The following PTPN4 variants were observed in gnomAD, a reference collection of about 807,000 sequenced individuals.
PTPN4 encodes the protein tyrosine-protein phosphatase non-receptor type 4.
A neutral mutation model predicts 135.5 loss-of-function variants in PTPN4; 49 were observed. That is an observed-to-expected ratio of 0.36 (90% CI 0.29 to 0.46). The LOEUF (loss-of-function observed/expected upper bound fraction) is 0.46, where lower values mean the gene tolerates loss of function less well. Among genes scored for constraint, PTPN4 ranks in the 20% least tolerant of loss-of-function variants. The pLI is 1.00. For synonymous variants in PTPN4, 333 were observed against 369.9 expected, an observed-to-expected ratio of 0.90 and a Z score of 1.14; for missense variants, 860 against 1,101.0, an observed-to-expected ratio of 0.78 and a Z score of 3.10.
At chr2:119,922,832 A>G (rs931098802) in intron 12 of PTPN4, among the ~76,000 whole-genome samples, 1 of 152,210 alleles carries the variant, frequency 6.6e-6, no homozygotes, top group Admixed American at 6.5e-5. Flanking sequence ...TGAACATTCA[A>G]ATTCTTTAAT....
intron 2 of PTPN4, among the ~76,000 whole-genome samples, chr2:119,835,998 G>A (rs1574360131): frequency 6.6e-6 from 1 of 151,898 alleles, no homozygotes; most frequent in East Asian, 1.9e-4. Flanking sequence ...GAATCCGGGA[G>A]GCGGAGGTTG....
chr2:119,846,385 A>G (rs1007893129), intron 2 of PTPN4, among the ~76,000 whole-genome samples: 3 of 152,136 alleles, frequency 2.0e-5, no homozygotes, highest in Non-Finnish European at 4.4e-5. Context: ...GCGTTATAAA[A>G]TTTCCCTCTT....
At chr2:119,822,295 T>G (rs962249766) in intron 2 of PTPN4, among the ~76,000 whole-genome samples, 1 of 152,054 alleles carries the variant, frequency 6.6e-6, no homozygotes, top group African/African-American at 2.4e-5. Context: ...AGGTATTTGG[T>G]GTTTAGCTCT....
At chr2:119,917,201 A>G (rs559857943) in intron 11 of PTPN4, among the ~76,000 whole-genome samples, 2 of 152,342 alleles carry the variant, frequency 1.3e-5, no homozygotes, top group South Asian at 4.1e-4. Flanking sequence ...TCATTTTCAT[A>G]TCACTGAATC....
intron 22 of PTPN4, among the ~76,000 whole-genome samples, chr2:119,958,200 G>T (rs942383923): frequency 3.3e-5 from 5 of 151,830 alleles, no homozygotes; most frequent in Non-Finnish European, 7.4e-5. Flanking sequence ...TAGCAGTCAT[G>T]GTGGTGCATG....
intron 2 of PTPN4, among the ~76,000 whole-genome samples, chr2:119,829,948 GCCTATTTATA>G (rs1259641897): frequency 6.6e-6 from 1 of 151,842 alleles, no homozygotes; most frequent in Non-Finnish European, 1.5e-5. Flanking sequence ...GTACCAGGGT[GCCTATTTATA>G]CATATCATTA....
intron 2 of PTPN4, among the ~76,000 whole-genome samples, chr2:119,860,330 A>G (rs1677743693): frequency 6.6e-6 from 1 of 152,192 alleles, no homozygotes; most frequent in Non-Finnish European, 1.5e-5. Context: ...ATTTGACCCA[A>G]TTCTGGCCAA....
intron 11 of PTPN4, chr2:119,916,027 CA>C (rs548228839): frequency 8.6e-5 from 12 of 139,256 alleles, no homozygotes; most frequent in East Asian, 2.1e-4. Context: ...ACTGTCTCTA[CA>C]AAAAAAAAAT....
At chr2:119,970,277 C>T (rs1364024704) in intron 26 of PTPN4, among the ~76,000 whole-genome samples, 4 of 151,814 alleles carry the variant, frequency 2.6e-5, no homozygotes, top group South Asian at 4.2e-4. Flanking sequence ...CTAGGCTGGT[C>T]TTGAACTCCT....
chr2:119,913,623 G>A (rs1225608436), intron 10 of PTPN4, among the ~76,000 whole-genome samples: 1 of 152,080 alleles, frequency 6.6e-6, no homozygotes, highest in Non-Finnish European at 1.5e-5. Context: ...AACCATGTCT[G>A]TAATAGGATA....
chr2:119,933,562 G>C (rs375904176), intron 14 of PTPN4, among the ~76,000 whole-genome samples: 2 of 151,522 alleles, frequency 1.3e-5, no homozygotes, highest in Non-Finnish European at 2.9e-5. Context: ...CACCTGTCAG[G>C]GGGGTGGGGC....
chr2:119,822,042 C>T (rs1277421916), intron 2 of PTPN4, among the ~76,000 whole-genome samples: 1 of 151,848 alleles, frequency 6.6e-6, no homozygotes, highest in African/African-American at 2.4e-5. Context: ...TGCAATATGA[C>T]ACTCTTTTGC....
intron 1 of PTPN4, among the ~76,000 whole-genome samples, chr2:119,765,574 T>A (rs553064083): frequency 6.6e-6 from 1 of 152,368 alleles, no homozygotes; most frequent in South Asian, 2.1e-4. Context: ...TTCCTTTATA[T>A]GTTAAGCAAA....
At chr2:119,882,926 C>G (rs1337554176) in intron 8 of PTPN4, among the ~76,000 whole-genome samples, 2 of 152,056 alleles carry the variant, frequency 1.3e-5, no homozygotes, top group East Asian at 3.8e-4. Flanking sequence ...AGAGATCAGT[C>G]TGCTTAGTAA....
At chr2:119,938,621 A>G (rs942002226) in intron 15 of PTPN4, among the ~76,000 whole-genome samples, 2 of 152,124 alleles carry the variant, frequency 1.3e-5, no homozygotes, top group Non-Finnish European at 2.9e-5. Flanking sequence ...CTTTCTGTTC[A>G]TTAAAATATA....
rs543688505 is a variant in PTPN4, at chr2:119,919,067, G to A, written c.829-1002G>A. 5.9e-5 allele frequency among the ~76,000 whole-genome samples: 9 copies of A among 152,286 alleles called. No homozygotes were observed. The South Asian group carries it at 1.7e-3, about 28-fold the overall frequency. The stretch of plus-strand genomic sequence containing the variant: ...CAGAAGAGTGATTAACTTTGGGAAG[G>A]TAATCTGGTAGAAAGGGGAGACAAA... On this transcript the variant is annotated intron_variant, in intron 11 of 26. Transcript: ENST00000263708.
chr2:119,795,849 C>T (rs1164549961), intron 1 of PTPN4, among the ~76,000 whole-genome samples: 2 of 152,258 alleles, frequency 1.3e-5, no homozygotes, highest in Non-Finnish European at 2.9e-5. Context: ...TCACTGCTCC[C>T]TCACTGGTGG....
At chr2:119,766,452 GT>G (rs1690625935) in intron 1 of PTPN4, among the ~76,000 whole-genome samples, 1 of 42,382 alleles carries the variant, frequency 2.4e-5, no homozygotes. Context: ...GTGCGCGCGT[GT>G]GTGTGTGTGT....
chr2:119,839,075 T>G (rs1438264675), intron 2 of PTPN4, among the ~76,000 whole-genome samples: 3 of 152,190 alleles, frequency 2.0e-5, no homozygotes, highest in Non-Finnish European at 4.4e-5. Flanking sequence ...AAAACTCCCC[T>G]ATTTCAGGAG....
Sources: allele counts gnomAD v4.1 joint callset (sites outside exome capture counted in the v4.1 genomes callset), GRCh38; gene constraint gnomAD v4.1.1; transcripts MANE v1.5; gene names NCBI Gene and HGNC (gene_info 2026-07-23, HGNC 2026-07-21).